Variants in USP34 observed in about 807,000 individuals in gnomAD.
USP34 encodes ubiquitin carboxyl-terminal hydrolase 34.
A neutral mutation model predicts 460.3 loss-of-function variants in USP34; 70 were observed. The observed-to-expected ratio is 0.15, with a 90% CI of 0.13 to 0.19. The LOEUF is 0.19. Ranked by LOEUF, USP34 falls within the 10% of genes least tolerant of loss-of-function variation. The pLI, the probability that USP34 is intolerant of heterozygous loss-of-function variation, is 1.00. For synonymous variants in USP34, 1,647 were observed against 1,405.3 expected (o/e 1.17, Z -3.85); for missense variants, 3,985 against 4,236.2 (o/e 0.94, Z 1.65).
intron 1 of USP34, among the ~76,000 whole-genome samples, chr2:61,458,208 T>C (rs10176089): frequency 0.019 from 2,892 of 152,168 alleles, 86 homozygotes; most frequent in African/African-American, 0.064. Flanking sequence ...ACTTCAGACT[T>C]GGAGTTCAGG....
chr2:61,229,649 A>C lies in USP34; in HGVS notation c.7114-16T>G. 3 of 1,597,482 alleles carry C rather than the reference A, an allele frequency of 1.9e-6. No homozygotes were observed. Among genetic ancestry groups the C allele is most frequent in the Non-Finnish European group, 2.6e-6 (3 of 1,172,052 alleles). ...GCTGAAACATCTGTGAAGAAAGAAA[A>C]AGATCAAACAAGAGCCAACTCATCA... On this transcript the variant is annotated splice_polypyrimidine_tract_variant and intron_variant, in intron 58 of 79. Coordinates refer to ENST00000398571, the MANE Select transcript of USP34 (RefSeq NM_014709.4).
chr2:61,276,108 G>C (rs1041647837), intron 41 of USP34, among the ~76,000 whole-genome samples: 7 of 152,134 alleles, frequency 4.6e-5, no homozygotes, highest in South Asian at 2.1e-4. Context: ...AATTAACAAA[G>C]AAATAAAACT....
At chr2:61,320,042 T>C (rs7568028) in intron 21 of USP34, among the ~76,000 whole-genome samples, 32 of 152,270 alleles carry the variant, frequency 2.1e-4, no homozygotes, top group African/African-American at 7.5e-4. Context: ...TTAAACACAC[T>C]AAGGAGCACT....
Position 61,465,736 on chromosome 2 carries a change from G to T in USP34, c.43+4914C>A, listed in dbSNP as rs1423767128. 2.6e-5 allele frequency among the ~76,000 whole-genome samples: 4 copies of T among 152,264 alleles called. No homozygotes were observed. The East Asian group carries it at 7.7e-4, about 29-fold the overall frequency. ...CTCACGCCTGTAATGCCAGCACTTT[G>T]GGAGGCCGAGGCAGGTGGATCACGA... On this transcript the variant is annotated intron_variant, in intron 1 of 79. Coordinates refer to ENST00000398571, the MANE Select transcript of USP34 (RefSeq NM_014709.4).
intron 62 of USP34, among the ~76,000 whole-genome samples, chr2:61,225,513 G>A (rs931464483): frequency 6.6e-6 from 1 of 151,686 alleles, no homozygotes; most frequent in Admixed American, 6.6e-5. Context: ...TGATACCAAA[G>A]TTAAATTTGT....
chr2:61,399,874 C>CAAAAAAAA (rs529141667), intron 3 of USP34, among the ~76,000 whole-genome samples: 4 of 69,998 alleles, frequency 5.7e-5, no homozygotes, highest in Non-Finnish European at 1.0e-4. Context: ...CACTGTCTCC[C>CAAAAAAAA]AAAAAAAAAA....
intron 15 of USP34, among the ~76,000 whole-genome samples, chr2:61,345,791 T>G (rs982278928): frequency 6.6e-6 from 1 of 152,152 alleles, no homozygotes; most frequent in Non-Finnish European, 1.5e-5. Flanking sequence ...TGTGATACCA[T>G]GCCTGGCTAG....
At chr2:61,349,796 G>C (rs552355821) in intron 12 of USP34, among the ~76,000 whole-genome samples, 1 of 152,000 alleles carries the variant, frequency 6.6e-6, no homozygotes, top group Admixed American at 6.6e-5. Flanking sequence ...AGCCAAGATA[G>C]CACCACTGCA....
In USP34 at chr2:61,232,600, A is replaced by G. The variant is rs146270211; in HGVS notation, c.7033-68T>C. 3.2e-6 allele frequency: 4 copies of G among 1,240,358 alleles called. No individual in the cohort carries two copies. The South Asian group carries it at 4.0e-5, about 12-fold the overall frequency. The allele number at this position is 1,240,358 out of a possible 1,614,324, so 76.8% of individuals were successfully genotyped here. A position where few individuals can be genotyped will look rare whatever the true frequency, so the allele number is the denominator to read the frequency against. ...ATTTGTTACATGGGATAACAGTCACATAAGAATTTTATTTCTAGTCAATGT... is the reference window on the plus strand; with the variant it reads ...ATTTGTTACATGGGATAACAGTCACGTAAGAATTTTATTTCTAGTCAATGT... On this transcript the variant is annotated intron_variant, in intron 57 of 79. Coordinates refer to ENST00000398571, the MANE Select transcript of USP34 (RefSeq NM_014709.4).
At chr2:61,202,462 C>T (rs563116632) in intron 75 of USP34, among the ~76,000 whole-genome samples, 1 of 152,260 alleles carries the variant, frequency 6.6e-6, no homozygotes, top group South Asian at 2.1e-4. Flanking sequence ...AGGAGAGCTG[C>T]ATGTCTCTGA....
intron 59 of USP34, 86 bp downstream of exon 59, chr2:61,229,457 TAAAAA>T (rs57231258): frequency 2.4e-5 from 9 of 382,194 alleles, no homozygotes; most frequent in East Asian, 2.3e-4. Context: ...CCCTATCTCT[TAAAAA>T]AAAAAAAAAA....
chr2:61,265,684 ATTT>A, intron 42 of USP34, 127 bp from the exon 43 acceptor site: 1 of 810,844 alleles, frequency 1.2e-6, no homozygotes, highest in East Asian at 3.3e-5. Flanking sequence ...ATTATATAGA[ATTT>A]TTTAAATAAA....
At chr2:61,352,629 T>C (rs1321564279) in intron 10 of USP34, among the ~76,000 whole-genome samples, 1 of 151,026 alleles carries the variant, frequency 6.6e-6, no homozygotes, top group Non-Finnish European at 1.5e-5. Flanking sequence ...AGCTTATTTT[T>C]AAGTAACAAG....
intron 27 of USP34, among the ~76,000 whole-genome samples, chr2:61,306,037 T>TA: frequency 6.6e-6 from 1 of 152,350 alleles, no homozygotes; most frequent in East Asian, 1.9e-4. Flanking sequence ...AGGTTGCCTG[T>TA]TCACTCTGAT....
At chr2:61,285,879 A>G (rs1030350892) in intron 34 of USP34, among the ~76,000 whole-genome samples, 7 of 152,164 alleles carry the variant, frequency 4.6e-5, no homozygotes, top group Non-Finnish European at 8.8e-5. Flanking sequence ...TCTTCCTCAT[A>G]TAAGGGGAGA....
intron 43 of USP34, among the ~76,000 whole-genome samples, chr2:61,262,134 G>T (rs28718376): frequency 0.042 from 2,920 of 68,796 alleles, 74 homozygotes; most frequent in East Asian, 0.14. Flanking sequence ...TATATATATA[G>T]ATAGATAGAT....
chr2:61,434,717 C>T (rs534190942), intron 1 of USP34, among the ~76,000 whole-genome samples: 1 of 151,390 alleles, frequency 6.6e-6, no homozygotes, highest in South Asian at 2.1e-4. Context: ...ATCTAAGATC[C>T]ACTTATATAA....
chr2:61,236,612 G>A (rs1383860390), intron 53 of USP34, among the ~76,000 whole-genome samples: 3 of 152,006 alleles, frequency 2.0e-5, no homozygotes, highest in African/African-American at 7.3e-5. Flanking sequence ...GCAATTGTGA[G>A]GTTTTTATTG....
chr2:61,469,087 T>C (rs1383018002), intron 1 of USP34, among the ~76,000 whole-genome samples: 1 of 152,012 alleles, frequency 6.6e-6, no homozygotes, highest in African/African-American at 2.4e-5. Flanking sequence ...GGAACCTACA[T>C]TTCCAGCTAC....
Sources: allele counts gnomAD v4.1 joint callset (sites outside exome capture counted in the v4.1 genomes callset), GRCh38; gene constraint gnomAD v4.1.1; transcripts MANE v1.5; gene names NCBI Gene and HGNC (gene_info 2026-07-23, HGNC 2026-07-21).